The following TEAD1 variants were observed in gnomAD, a reference collection of about 807,000 sequenced individuals.
TEAD1 encodes the protein transcriptional enhancer factor TEF-1.
In TEAD1, 9 loss-of-function variants were observed where a neutral mutation model predicts 54.9. That is an observed-to-expected ratio of 0.16 (90% confidence interval 0.10 to 0.29). TEAD1 has a LOEUF of 0.29. TEAD1 is among the 10% of genes least tolerant of loss of function. The pLI, the probability that TEAD1 is intolerant of heterozygous loss-of-function variation, is 1.00. For missense variants in TEAD1, 387 were observed against 535.9 expected (o/e 0.72, Z 2.74); for synonymous variants, 200 against 187.8 (o/e 1.07, Z -0.53).
chr11:12,783,095 G>GATTT (rs1554933010), intron 3 of TEAD1, among the ~76,000 whole-genome samples: 1 of 121,702 alleles, frequency 8.2e-6, no homozygotes, highest in East Asian at 2.9e-4. Flanking sequence ...ACCAGGTAAG[G>GATTT]GTTTGTGTGT....
chr11:12,931,789 AAG>A (rs1376770927), intron 12 of TEAD1, among the ~76,000 whole-genome samples: 1 of 151,610 alleles, frequency 6.6e-6, no homozygotes, highest in African/African-American at 2.4e-5. Flanking sequence ...AAAAAAAAAT[AAG>A]TAACATTTAA....
At chr11:12,893,995 C>T (rs1948254976) in intron 9 of TEAD1, among the ~76,000 whole-genome samples, 1 of 152,162 alleles carries the variant, frequency 6.6e-6, no homozygotes, top group African/African-American at 2.4e-5. Context: ...CCGCAGGCTG[C>T]CCAGCCTGCC....
intron 3 of TEAD1, among the ~76,000 whole-genome samples, chr11:12,796,131 C>G (rs1477437012): frequency 6.6e-6 from 1 of 152,054 alleles, no homozygotes; most frequent in Non-Finnish European, 1.5e-5. Flanking sequence ...TCAGAGAAGG[C>G]AGAATATTAT....
chr11:12,930,935 A>G (rs979962095), intron 12 of TEAD1, among the ~76,000 whole-genome samples: 1 of 152,258 alleles, frequency 6.6e-6, no homozygotes, highest in South Asian at 2.1e-4. Context: ...CATGGAATGC[A>G]GTGACCAGGA....
intron 2 of TEAD1, among the ~76,000 whole-genome samples, chr11:12,731,598 G>A (rs142402484): frequency 7.4e-4 from 112 of 152,080 alleles, no homozygotes; most frequent in African/African-American, 2.4e-3. Context: ...ATTTATTCCC[G>A]CTTATCAGAT....
intron 9 of TEAD1, among the ~76,000 whole-genome samples, chr11:12,895,170 C>A (rs11022535): frequency 0.085 from 12,855 of 151,992 alleles, 1,056 homozygotes; most frequent in East Asian, 0.46. Context: ...CATAGAGCAG[C>A]TTTGAAGGAA....
intron 2 of TEAD1, among the ~76,000 whole-genome samples, chr11:12,745,198 T>C (rs894116445): frequency 6.6e-6 from 1 of 152,198 alleles, no homozygotes; most frequent in Non-Finnish European, 1.5e-5. Flanking sequence ...TGAGAGCTTT[T>C]ATGGTAAAAA....
chr11:12,693,599 T>A (rs1943511335), intron 2 of TEAD1, among the ~76,000 whole-genome samples: 1 of 152,264 alleles, frequency 6.6e-6, no homozygotes, highest in African/African-American at 2.4e-5. Context: ...TGGATTAAGC[T>A]TTGATGACGG....
At chr11:12,785,023 C>T (rs967940167) in intron 3 of TEAD1, among the ~76,000 whole-genome samples, 1 of 152,178 alleles carries the variant, frequency 6.6e-6, no homozygotes, top group Non-Finnish European at 1.5e-5. Context: ...TAGGCATGAC[C>T]TGCCAGATGC....
intron 2 of TEAD1, among the ~76,000 whole-genome samples, chr11:12,681,080 C>G (rs952372831): frequency 6.6e-6 from 1 of 152,112 alleles, no homozygotes; most frequent in Non-Finnish European, 1.5e-5. Context: ...ATCTCAAAGC[C>G]TTTGAGAGAC....
At chr11:12,840,078 TCTACTAAAAATA>T (rs1331478203) in intron 3 of TEAD1, among the ~76,000 whole-genome samples, 1 of 151,650 alleles carries the variant, frequency 6.6e-6, no homozygotes, top group Non-Finnish European at 1.5e-5. Context: ...AAATCCCGTC[TCTACTAAAAATA>T]CAAAAAATTA....
intron 10 of TEAD1, among the ~76,000 whole-genome samples, chr11:12,908,725 A>G (rs1293458479): frequency 2.0e-5 from 3 of 152,180 alleles, no homozygotes; most frequent in Non-Finnish European, 4.4e-5. Context: ...AGTTGGGAAT[A>G]TATAATTTTT....
chr11:12,893,647 T>C (rs983507639), intron 9 of TEAD1, among the ~76,000 whole-genome samples: 1 of 152,044 alleles, frequency 6.6e-6, no homozygotes, highest in African/African-American at 2.4e-5. Context: ...CACACTCCTG[T>C]CTGAGGAAGC....
intron 10 of TEAD1, among the ~76,000 whole-genome samples, chr11:12,915,870 A>G (rs1020981039): frequency 6.6e-6 from 1 of 152,218 alleles, no homozygotes; most frequent in African/African-American, 2.4e-5. Context: ...CCATGAATAA[A>G]TGGGCTTACT....
chr11:12,898,241 T>G (rs914156226), intron 9 of TEAD1, among the ~76,000 whole-genome samples: 2 of 152,138 alleles, frequency 1.3e-5, no homozygotes, highest in Non-Finnish European at 2.9e-5. Context: ...CACTGCTTGC[T>G]CCCAGCTCTT....
chr11:12,911,130 A>T (rs1004163062), intron 10 of TEAD1, among the ~76,000 whole-genome samples: 1 of 152,250 alleles, frequency 6.6e-6, no homozygotes, highest in African/African-American at 2.4e-5. Context: ...AGAAGATTTT[A>T]TAAAACAAAA....
intron 3 of TEAD1, among the ~76,000 whole-genome samples, chr11:12,809,985 T>TG (rs1946263601): frequency 7.0e-6 from 1 of 142,322 alleles, no homozygotes; most frequent in African/African-American, 2.6e-5. Context: ...TTTTTTTTTT[T>TG]TTTTTTTTTT....
At chr11:12,862,081 C>T (rs1008775906) in intron 3 of TEAD1, among the ~76,000 whole-genome samples, 169 bp from the exon 4 acceptor site, 1 of 148,890 alleles carries the variant, frequency 6.7e-6, no homozygotes, top group Admixed American at 6.7e-5. Context: ...TTAATTTTTC[C>T]TAGTAAACAT....
chr11:12,845,491 TC>T (rs1947128023), intron 3 of TEAD1, among the ~76,000 whole-genome samples: 1 of 152,170 alleles, frequency 6.6e-6, no homozygotes, highest in South Asian at 2.1e-4. Context: ...GCGTCCTCTT[TC>T]ATTTCCCAGA....
Sources: allele counts gnomAD v4.1 joint callset (sites outside exome capture counted in the v4.1 genomes callset), GRCh38; gene constraint gnomAD v4.1.1; transcripts MANE v1.5; gene names NCBI Gene and HGNC (gene_info 2026-07-23, HGNC 2026-07-21).